ANO4: variants seen among roughly 807,000 people sequenced by gnomAD.
ANO4 encodes the protein anoctamin 4.
In ANO4, 69 loss-of-function variants were observed where a neutral mutation model predicts 141.9. That is an observed-to-expected ratio of 0.49 (90% confidence interval 0.40 to 0.59). ANO4 has a LOEUF of 0.59. Among genes scored for constraint, ANO4 ranks in the 20% least tolerant of loss-of-function variants. The pLI is 0.00. For synonymous variants in ANO4, 350 were observed against 394.3 expected, an observed-to-expected ratio of 0.89 and a Z score of 1.33; for missense variants, 894 against 1,162.2, an observed-to-expected ratio of 0.77 and a Z score of 3.36.
intron 1 of ANO4, among the ~76,000 whole-genome samples, chr12:100,900,876 C>A (rs745863687): frequency 6.6e-6 from 1 of 152,078 alleles, no homozygotes; most frequent in East Asian, 1.9e-4. Context: ...TTCTGAGTAA[C>A]GAATTGGTAT....
At chr12:100,743,471 A>G (rs1161853682) in intron 3 of ANO4, among the ~76,000 whole-genome samples, 1 of 152,018 alleles carries the variant, frequency 6.6e-6, no homozygotes, top group African/African-American at 2.4e-5. Flanking sequence ...TTGATATTAA[A>G]TTCATTACAA....
intron 1 of ANO4, among the ~76,000 whole-genome samples, chr12:100,816,802 A>C (rs974455892): frequency 6.6e-6 from 1 of 151,852 alleles, no homozygotes; most frequent in African/African-American, 2.4e-5. Flanking sequence ...TCAAGTTTTG[A>C]TGTGTATATT....
rs151007381 is a variant in ANO4 at position 100,947,565 on chromosome 12, G to T, written c.456+5030G>T. ...TTGTGGAAGTAGTTTGTTTCTGTTT[G>T]CACTCATCTCTCAGAAGGAGTGAAA... On this transcript the variant is annotated intron_variant, in intron 5 of 27. Transcript: ENST00000392977. Among the ~76,000 whole-genome samples the T allele has an allele frequency of 8.5e-5, 13 of 152,304 alleles. No homozygotes were observed. In the East Asian group the frequency reaches 2.1e-3, roughly 25 times the overall value.
intron 5 of ANO4, among the ~76,000 whole-genome samples, chr12:100,961,404 A>C (rs57929836): frequency 0.17 from 25,397 of 152,154 alleles, 2,443 homozygotes; most frequent in East Asian, 0.42. Flanking sequence ...CTGGGCACAG[A>C]AGTGTTATGT....
intron 1 of ANO4, among the ~76,000 whole-genome samples, chr12:100,880,696 G>GA (rs2039523022): frequency 6.6e-6 from 1 of 152,116 alleles, no homozygotes; most frequent in Admixed American, 6.6e-5. Context: ...TTGATTATGT[G>GA]AGGAGGGCAA....
intron 13 of ANO4, among the ~76,000 whole-genome samples, chr12:101,047,522 G>A (rs1305802962): frequency 1.3e-5 from 2 of 151,904 alleles, no homozygotes; most frequent in Non-Finnish European, 2.9e-5. Flanking sequence ...CTTTATATTT[G>A]GTGCATTCTC....
chr12:100,991,146 G>T (rs889196639), intron 8 of ANO4, among the ~76,000 whole-genome samples: 5 of 152,108 alleles, frequency 3.3e-5, no homozygotes, highest in African/African-American at 1.2e-4. Flanking sequence ...ATTATGAGTG[G>T]TGAGGATTTA....
At chr12:100,964,234 G>T (rs1566063925) in intron 5 of ANO4, among the ~76,000 whole-genome samples, 1 of 152,156 alleles carries the variant, frequency 6.6e-6, no homozygotes, top group Non-Finnish European at 1.5e-5. Context: ...AAGCCAGACT[G>T]CATTGATGAG....
chr12:100,923,934 T>C (rs2041753042), intron 3 of ANO4, among the ~76,000 whole-genome samples: 1 of 152,204 alleles, frequency 6.6e-6, no homozygotes, highest in Admixed American at 6.5e-5. Flanking sequence ...ATAAATGTCT[T>C]CTTTTGAGAA....
intron 8 of ANO4, among the ~76,000 whole-genome samples, chr12:100,995,471 C>G (rs2045328755): frequency 6.6e-6 from 1 of 152,180 alleles, no homozygotes; most frequent in South Asian, 2.1e-4. Context: ...TCTGACTTAA[C>G]TTTTGACAGT....
At chr12:100,855,532 A>G (rs568600305) in intron 1 of ANO4, among the ~76,000 whole-genome samples, 28 of 152,254 alleles carry the variant, frequency 1.8e-4, no homozygotes, top group African/African-American at 6.3e-4. Context: ...TTACCATTTT[A>G]ATGGCTCTAT....
rs1478610291 is a variant in ANO4 at position 100,961,303 on chromosome 12, C to T, written c.457-10003C>T. ...GGTGATGGAAGAAGGTTGTCTATAT[C>T]AGGGTGTATTAATTAGCAGTATCAG... is the stretch of plus-strand genomic sequence containing the variant. On this transcript the variant is annotated intron_variant, in intron 5 of 27. Transcript: ENST00000392977. 2.6e-5 allele frequency among the ~76,000 whole-genome samples: 4 copies of T among 152,168 alleles called. No individual in the cohort carries two copies. The East Asian group carries it at 7.7e-4, about 29-fold the overall frequency.
chr12:100,860,711 T>C (rs2038423428), intron 1 of ANO4, among the ~76,000 whole-genome samples: 1 of 152,210 alleles, frequency 6.6e-6, no homozygotes, highest in South Asian at 2.1e-4. Context: ...CAAAGCCTTG[T>C]GAGTACAGCT....
intron 17 of ANO4, among the ~76,000 whole-genome samples, chr12:101,091,640 A>G (rs113309774): frequency 0.02 from 3,089 of 152,246 alleles, 119 homozygotes; most frequent in African/African-American, 0.071. Flanking sequence ...ATTGTTTTCA[A>G]CTACTTAACA....
chr12:100,860,279 G>T (rs2038401754), intron 1 of ANO4, among the ~76,000 whole-genome samples: 1 of 152,180 alleles, frequency 6.6e-6, no homozygotes, highest in Admixed American at 6.5e-5. Flanking sequence ...CCAGTGTATA[G>T]TTATTAATTC....
At chr12:101,120,381 A>G (rs1248208578) in intron 25 of ANO4, 139 bp from the exon 26 acceptor site, 8 of 694,930 alleles carry the variant, frequency 1.2e-5, no homozygotes, top group Non-Finnish European at 1.9e-5. Flanking sequence ...AATGCTGGAC[A>G]AGCAAAACAA....
intron 3 of ANO4, among the ~76,000 whole-genome samples, chr12:100,933,949 T>G (rs1254215766): frequency 6.6e-6 from 1 of 152,188 alleles, no homozygotes; most frequent in Non-Finnish European, 1.5e-5. Context: ...GATGGGGTTG[T>G]TTTTTTCTTG....
At chr12:100,952,807 T>C (rs746622486) in intron 5 of ANO4, among the ~76,000 whole-genome samples, 19 of 152,228 alleles carry the variant, frequency 1.2e-4, no homozygotes, top group Non-Finnish European at 2.5e-4. Flanking sequence ...TTGCCTCAAC[T>C]GCTTTTGCTT....
At chr12:101,051,610 A>G (rs1015699784) in intron 14 of ANO4, among the ~76,000 whole-genome samples, 10 of 152,222 alleles carry the variant, frequency 6.6e-5, no homozygotes, top group African/African-American at 2.2e-4. Context: ...AGGGATTACT[A>G]TGTACTAAAT....
Sources: allele counts gnomAD v4.1 joint callset (sites outside exome capture counted in the v4.1 genomes callset), GRCh38; gene constraint gnomAD v4.1.1; transcripts MANE v1.5; gene names NCBI Gene and HGNC (gene_info 2026-07-23, HGNC 2026-07-21).